IRAK1BP1: variants seen among roughly 807,000 people sequenced by gnomAD.
IRAK1BP1 encodes interleukin 1 receptor associated kinase 1 binding protein 1, also known as interleukin-1 receptor-associated kinase 1-binding protein 1.
A neutral mutation model predicts 28.0 loss-of-function variants in IRAK1BP1; 24 were observed. That is an observed-to-expected ratio of 0.86 (90% CI 0.62 to 1.20). The LOEUF (loss-of-function observed/expected upper bound fraction) is 1.20. Among genes scored for constraint, IRAK1BP1 ranks in the 50% most tolerant of loss-of-function variants. The pLI, the probability that IRAK1BP1 is intolerant of heterozygous loss-of-function variation, is 0.00. For missense variants in IRAK1BP1, 336 were observed against 316.7 expected, an observed-to-expected ratio of 1.06 and a Z score of -0.46; for synonymous variants, 131 against 116.3, an observed-to-expected ratio of 1.13 and a Z score of -0.81.
At chr6:78,875,354 A>G (rs984452338) in intron 1 of IRAK1BP1, among the ~76,000 whole-genome samples, 1 of 152,214 alleles carries the variant, frequency 6.6e-6, no homozygotes. Context: ...TAAAATTACC[A>G]TTTGACCTGG....
rs1582029031 is a variant in IRAK1BP1, at chr6:78,902,801, TACA to T, written c.*4468_*4470del. 2.1e-6 allele frequency: 1 copy of T among 477,852 alleles called. No individual in the cohort carries two copies. The highest frequency in any genetic ancestry group is 3.7e-6 in the Non-Finnish European group (1 of 269,830). The allele number at this position is 477,852 out of a possible 1,614,324, so 29.6% of individuals were successfully genotyped here. Reference sequence around the variant, plus strand: ...ATACATACATACATACATACATACATACATACATACATACATACATAAAATGCC... The same window carrying T: ...ATACATACATACATACATACATACATTACATACATACATACATAAAATGCC... On this transcript the variant is annotated 3_prime_UTR_variant, in exon 4 of 4. Coordinates refer to ENST00000369940, the MANE Select transcript of IRAK1BP1 (RefSeq NM_001010844.4).
At chr6:78,971,360 G>C in the IRAK1BP1 span, among the ~76,000 whole-genome samples, 1 of 152,210 alleles carries the variant, frequency 6.6e-6, no homozygotes, top group Admixed American at 6.5e-5. Context: ...TCAAATTTAA[G>C]TGACTCCTGA....
At chr6:78,874,409 T>C (rs949346888) in intron 1 of IRAK1BP1, among the ~76,000 whole-genome samples, 5 of 152,096 alleles carry the variant, frequency 3.3e-5, no homozygotes, top group Non-Finnish European at 7.4e-5. Flanking sequence ...TACCTACTGC[T>C]TTGAAATGTT....
chr6:78,939,630 TACAC>T (rs113763282), intron 4 of IRAK1BP1: 3 of 151,970 alleles, frequency 2.0e-5, no homozygotes, highest in Non-Finnish European at 2.9e-5. Context: ...TATATACACA[TACAC>T]ACACAGACAC....
the IRAK1BP1 span, among the ~76,000 whole-genome samples, chr6:78,952,643 A>G: frequency 2.0e-5 from 3 of 151,982 alleles, no homozygotes; most frequent in East Asian, 5.8e-4. Context: ...ATTTGCTTAG[A>G]TCTTTACACT....
At chr6:78,954,019 A>G in the IRAK1BP1 span, among the ~76,000 whole-genome samples, 2 of 152,228 alleles carry the variant, frequency 1.3e-5, no homozygotes, top group Non-Finnish European at 2.9e-5. Flanking sequence ...CATGTATTCC[A>G]TAAAGATTAC....
chr6:78,911,889 T>C (rs1450057228), intron 4 of IRAK1BP1, among the ~76,000 whole-genome samples: 1 of 152,116 alleles, frequency 6.6e-6, no homozygotes, highest in East Asian at 1.9e-4. Context: ...CAGGCACCCT[T>C]ATTGTTGTTG....
intron 4 of IRAK1BP1, among the ~76,000 whole-genome samples, chr6:78,924,526 C>T (rs1582050505): frequency 6.6e-6 from 1 of 152,100 alleles, no homozygotes; most frequent in East Asian, 1.9e-4. Flanking sequence ...GAAACTATTC[C>T]AATCAATAGA....
intron 1 of IRAK1BP1, chr6:78,871,624 G>A (rs1461137766): frequency 1.3e-6 from 1 of 784,978 alleles, no homozygotes; most frequent in African/African-American, 1.9e-5. Context: ...GGTATTCGGA[G>A]GAGGCTTTTA....
chr6:78,936,546 T>C (rs980696766), intron 4 of IRAK1BP1: 2 of 151,902 alleles, frequency 1.3e-5, no homozygotes, highest in Non-Finnish European at 3.0e-5. Context: ...CCTTGAATTG[T>C]AGAAACTCAG....
the IRAK1BP1 span, among the ~76,000 whole-genome samples, chr6:78,966,253 T>A: frequency 6.6e-6 from 1 of 152,234 alleles, no homozygotes; most frequent in Non-Finnish European, 1.5e-5. Context: ...ATACTTGAAG[T>A]GTGACTTAAC....
the IRAK1BP1 span, among the ~76,000 whole-genome samples, chr6:78,965,153 A>G: frequency 4.6e-5 from 7 of 152,198 alleles, no homozygotes; most frequent in African/African-American, 9.7e-5. Flanking sequence ...TTGAGCTCTT[A>G]TATGTGTCAG....
intron 2 of IRAK1BP1, among the ~76,000 whole-genome samples, chr6:78,886,814 CTAAA>C (rs1317835961): frequency 6.6e-6 from 1 of 152,184 alleles, no homozygotes; most frequent in Non-Finnish European, 1.5e-5. Flanking sequence ...TAAAACATGA[CTAAA>C]TGAGAGTTTG....
At chr6:78,881,777 T>C (rs1445362003) in intron 1 of IRAK1BP1, among the ~76,000 whole-genome samples, 1 of 152,158 alleles carries the variant, frequency 6.6e-6, no homozygotes, top group Non-Finnish European at 1.5e-5. Context: ...AGTCTGAAAG[T>C]GCTTTACATG....
At chr6:78,907,374 C>A (rs914524049), downstream of IRAK1BP1, among the ~76,000 whole-genome samples, 1 of 152,046 alleles carries the variant, frequency 6.6e-6, no homozygotes, top group African/African-American at 2.4e-5. Context: ...ATTCAAGCAC[C>A]ATATTTTCCA....
intron 4 of IRAK1BP1, among the ~76,000 whole-genome samples, chr6:78,919,535 C>T (rs1001298349): frequency 1.3e-5 from 2 of 152,106 alleles, no homozygotes; most frequent in Non-Finnish European, 2.9e-5. Flanking sequence ...TACAGAAACA[C>T]AAAAGATTAT....
At chr6:78,921,553 G>C (rs1772728018) in intron 4 of IRAK1BP1, among the ~76,000 whole-genome samples, 1 of 152,214 alleles carries the variant, frequency 6.6e-6, no homozygotes, top group Non-Finnish European at 1.5e-5. Flanking sequence ...AAATGTCCCT[G>C]TCTGACACCT....
the IRAK1BP1 span, among the ~76,000 whole-genome samples, chr6:78,968,911 AAGG>A: frequency 6.6e-6 from 1 of 152,204 alleles, no homozygotes; most frequent in South Asian, 2.1e-4. Flanking sequence ...TTTCCTCTTG[AAGG>A]AGATTTGGAC....
intron 2 of IRAK1BP1, among the ~76,000 whole-genome samples, chr6:78,889,280 T>C (rs1388030757): frequency 2.0e-5 from 3 of 152,036 alleles, no homozygotes; most frequent in Non-Finnish European, 4.4e-5. Flanking sequence ...AAACTCAAGA[T>C]GGGTTAAAGA....
Sources: allele counts gnomAD v4.1 joint callset (sites outside exome capture counted in the v4.1 genomes callset), GRCh38; gene constraint gnomAD v4.1.1; transcripts MANE v1.5; gene names NCBI Gene and HGNC (gene_info 2026-07-23, HGNC 2026-07-21).